The following TMEM165 variants were observed in gnomAD, a reference collection of about 807,000 sequenced individuals.
TMEM165 encodes putative divalent cation/proton antiporter TMEM165.
A neutral mutation model predicts 30.0 loss-of-function variants in TMEM165; 19 were observed. That is an observed-to-expected ratio of 0.63 (90% CI 0.44 to 0.93). TMEM165 has a LOEUF of 0.93. Among genes scored for constraint, TMEM165 ranks in the 40% least tolerant of loss-of-function variants. The pLI is 0.00. For missense variants in TMEM165, 340 were observed against 417.0 expected (o/e 0.82, Z 1.61); for synonymous variants, 168 against 162.9 (o/e 1.03, Z -0.24).
At chr4:55,409,709 C>T (rs769631242) in intron 1 of TMEM165, among the ~76,000 whole-genome samples, 2 of 152,108 alleles carry the variant, frequency 1.3e-5, no homozygotes, top group African/African-American at 2.4e-5. Context: ...GGTTGAGAAC[C>T]GCTTGTCTAG....
chr4:55,417,350 A>G (rs1024260957), intron 3 of TMEM165, 103 bp downstream of exon 3: 14 of 1,147,130 alleles, frequency 1.2e-5, no homozygotes, highest in Non-Finnish European at 1.6e-5. Context: ...ATGCGGGGCT[A>G]CACAAAAATA....
chr4:55,424,313 T>C, intron 4 of TMEM165: 1 of 498,842 alleles, frequency 2.0e-6, no homozygotes, highest in Non-Finnish European at 3.5e-6. Context: ...ACTTTACAAA[T>C]TGATTTGGGT....
chr4:55,437,709 G>A (rs1722994306), intron 3 of TMEM165, among the ~76,000 whole-genome samples: 2 of 152,112 alleles, frequency 1.3e-5, no homozygotes, highest in Admixed American at 1.3e-4. Context: ...CCTGCCAAAG[G>A]TCACGCAGTA....
rs768223101 is a variant in TMEM165 at position 55,396,388 on chromosome 4, C to A, written c.199C>A (p.Arg67=). 8.1e-6 allele frequency: 12 copies of A among 1,485,260 alleles called. No individual in the cohort carries two copies. Among genetic ancestry groups the A allele is most frequent in the Admixed American group, 2.3e-5 (1 of 43,390 alleles). The allele number at this position is 1,485,260 out of a possible 1,614,324, so 92.0% of individuals were successfully genotyped here. Residue 67 remains arginine (R), a synonymous_variant, in exon 1 of 6, where the codon CGG becomes AGG. Transcript: ENST00000381334. ...GGCTGTGCAGGGCCCCGAGCCGGCC[C>A]GGGTCGAGGTGAGCGGGCCGGGATG... is the stretch of plus-strand genomic sequence containing the variant. ...PVAVQGPEPA[R]VEKIFTPAAP... is the part of the protein sequence containing the mutation.
chr4:55,396,051 C>G lies in TMEM165; in HGVS notation c.-139C>G. The G allele has an allele frequency of 1.6e-6, 1 of 615,610 alleles. No individual in the cohort carries two copies. The highest frequency in any genetic ancestry group is 2.4e-6 in the Non-Finnish European group (1 of 420,816). 38.1% of individuals were successfully genotyped at this position (615,610 alleles called of 1,614,324 possible). On this transcript the variant is annotated 5_prime_UTR_variant, in exon 1 of 6. Transcript: ENST00000381334. ...ACCTCACTCCCGCTGCTTGCACCTCCCGGATGGTGCTGACTGCTCCCTAAG... is the reference window on the plus strand; with the variant it reads ...ACCTCACTCCCGCTGCTTGCACCTCGCGGATGGTGCTGACTGCTCCCTAAG...
chr4:55,421,736 C>T (rs1279174857), intron 4 of TMEM165, among the ~76,000 whole-genome samples: 1 of 152,188 alleles, frequency 6.6e-6, no homozygotes, highest in Non-Finnish European at 1.5e-5. Context: ...AGCGGGCTTT[C>T]CCTTCTCCTT....
intron 1 of TMEM165, among the ~76,000 whole-genome samples, chr4:55,400,188 ATAT>A (rs1437529236): frequency 3.1e-4 from 35 of 113,108 alleles, no homozygotes; most frequent in African/African-American, 1.2e-3. Context: ...ATAAAAAATA[ATAT>A]ATAAATATAT....
At chr4:55,429,830 C>T (rs1217824451), downstream of TMEM165, 2 of 152,194 alleles carry the variant, frequency 1.3e-5, no homozygotes, top group African/African-American at 4.8e-5. Flanking sequence ...TTCTAAAATT[C>T]TTTCTTAGAT....
At chr4:55,452,934 TCC>T in exon 4 of TMEM165, 4 of 727,640 alleles carry the variant, frequency 5.5e-6, no homozygotes, top group South Asian at 5.4e-5. Flanking sequence ...TATAATCACA[TCC>T]CCGTTATAAG....
At position 55,417,830 on chromosome 4, in the gene TMEM165, C is replaced by A. The variant is rs779293741; in HGVS notation, c.637C>A (p.Pro213Thr). 1 of 1,610,732 alleles carries A rather than the reference C, an allele frequency of 6.2e-7. No individual in the cohort carries two copies. Among genetic ancestry groups the A allele is most frequent in the African/African-American group, 1.3e-5 (1 of 74,704 alleles). ...TCAACGAACCAAACTTTTAAATGGA[C>A]CGGGAGATGTTGAAACGGGTACAAG... ...EFQRTKLLNG[P>T]GDVETGTSIT... Residue 213 changes from proline to threonine, a missense_variant, in exon 4 of 6, where the codon CCG becomes ACG. By Grantham distance (38) the Pro-to-Thr change is conservative (BLOSUM62 -1). Transcript: ENST00000381334.
intron 1 of TMEM165, chr4:55,397,076 C>T (rs1451552092): frequency 6.6e-6 from 1 of 152,130 alleles, no homozygotes; most frequent in Non-Finnish European, 1.5e-5. Context: ...AGAATTAGTC[C>T]TTAGTCACTT....
intron 3 of TMEM165, chr4:55,450,016 GA>G (rs758858148): frequency 7.2e-6 from 11 of 1,530,332 alleles, no homozygotes; most frequent in Non-Finnish European, 9.9e-6. Context: ...CGTTTGATGA[GA>G]AATGCTGATA....
chr4:55,396,150 C>T lies in TMEM165; in HGVS notation c.-40C>T. On this transcript the variant is annotated 5_prime_UTR_variant, in exon 1 of 6. Coordinates refer to ENST00000381334, the MANE Select transcript of TMEM165 (RefSeq NM_018475.5). The stretch of plus-strand genomic sequence containing the variant: ...TCGAGGCTTCCCGTCGCCGGCACTT[C>T]CTCTTGCGGCGCCCGTGCGCGGCCG... 1 of 1,328,096 alleles carries T rather than the reference C, an allele frequency of 7.5e-7. No individual in the cohort carries two copies. Among genetic ancestry groups the T allele is most frequent in the Non-Finnish European group, 9.5e-7 (1 of 1,051,014 alleles). The allele number at this position is 1,328,096 out of a possible 1,614,324, so 82.3% of individuals were successfully genotyped here.
At chr4:55,435,072 G>T (rs1362221074) in intron 3 of TMEM165, 5 of 343,604 alleles carry the variant, frequency 1.5e-5, no homozygotes, top group African/African-American at 1.1e-4. Context: ...ACCACTAAAA[G>T]TTACTAACAT....
chr4:55,409,714 G>A (rs952191954), intron 1 of TMEM165, among the ~76,000 whole-genome samples: 1 of 152,192 alleles, frequency 6.6e-6, no homozygotes, highest in Non-Finnish European at 1.5e-5. Context: ...AGAACCGCTT[G>A]TCTAGCCCAT....
chr4:55,452,111 C>T (rs1387054170), intron 3 of TMEM165: 1 of 152,210 alleles, frequency 6.6e-6, no homozygotes, highest in African/African-American at 2.4e-5. Context: ...CATGCCCTTG[C>T]ATAATCCTCC....
intron 3 of TMEM165, chr4:55,434,514 CAAACATAATTGAAAAATAATG>C (rs1722732972): frequency 6.6e-6 from 1 of 152,222 alleles, no homozygotes; most frequent in Admixed American, 6.6e-5. Flanking sequence ...ATCCTATTTT[CAAACATAATTGAAAAATAATG>C]AAATGAGGGA....
intron 3 of TMEM165, chr4:55,449,513 C>T (rs1560422461): frequency 1.3e-6 from 2 of 1,581,326 alleles, no homozygotes; most frequent in African/African-American, 2.7e-5. Flanking sequence ...TCAACAAAAT[C>T]AGAAGAGCAT....
intron 3 of TMEM165, among the ~76,000 whole-genome samples, chr4:55,448,106 C>T (rs146055961): frequency 6.6e-6 from 1 of 152,298 alleles, no homozygotes; most frequent in African/African-American, 2.4e-5. Flanking sequence ...AGGATTCACA[C>T]AATCTGCTTA....
Sources: allele counts gnomAD v4.1 joint callset (sites outside exome capture counted in the v4.1 genomes callset), GRCh38; gene constraint gnomAD v4.1.1; transcripts MANE v1.5; gene names NCBI Gene and HGNC (gene_info 2026-07-23, HGNC 2026-07-21).